The following CNTNAP5 variants were observed in gnomAD, a reference collection of about 807,000 sequenced individuals.
CNTNAP5 encodes the protein contactin-associated protein-like 5.
A neutral mutation model predicts 150.2 loss-of-function variants in CNTNAP5; 72 were observed. The observed-to-expected ratio is 0.48, with a 90% CI of 0.40 to 0.58. The LOEUF is 0.58. Ranked by LOEUF, CNTNAP5 falls within the 20% of genes least tolerant of loss-of-function variation. The probability of loss-of-function intolerance (pLI) is 0.00; values close to 1 mark genes in which losing one functional copy is unlikely to be tolerated. For missense variants in CNTNAP5, 1,636 were observed against 1,626.2 expected (o/e 1.01, Z -0.10); for synonymous variants, 672 against 619.8 (o/e 1.08, Z -1.25).
intron 21 of CNTNAP5, among the ~76,000 whole-genome samples, chr2:124,892,333 A>G (rs1197751585): frequency 2.6e-5 from 4 of 152,148 alleles, no homozygotes; most frequent in Non-Finnish European, 1.5e-5. Context: ...CCAAGAACTG[A>G]TGACTCTGTG....
chr2:124,419,140 CA>C (rs778863758), intron 4 of CNTNAP5, among the ~76,000 whole-genome samples: 11 of 28,914 alleles, frequency 3.8e-4, no homozygotes, highest in Admixed American at 5.8e-4. Flanking sequence ...GACTCCTTCT[CA>C]AAAAAAAAAA....
chr2:124,487,295 A>G (rs1475504182), intron 7 of CNTNAP5, among the ~76,000 whole-genome samples: 2 of 152,198 alleles, frequency 1.3e-5, no homozygotes, highest in Non-Finnish European at 2.9e-5. Context: ...TCATTTAAGT[A>G]TAAAAAATAA....
chr2:124,204,901 T>A (rs1685824842), intron 1 of CNTNAP5, among the ~76,000 whole-genome samples: 1 of 152,048 alleles, frequency 6.6e-6, no homozygotes, highest in South Asian at 2.1e-4. Flanking sequence ...AATCTGAAGG[T>A]CTATAGCCCC....
At chr2:124,043,978 T>A (rs573836070) in intron 1 of CNTNAP5, among the ~76,000 whole-genome samples, 1 of 152,338 alleles carries the variant, frequency 6.6e-6, no homozygotes, top group Non-Finnish European at 1.5e-5. Context: ...TCTTGTCCTC[T>A]CTTCTCTAGT....
chr2:124,377,956 A>C (rs1325358068), intron 3 of CNTNAP5, among the ~76,000 whole-genome samples: 2 of 152,060 alleles, frequency 1.3e-5, no homozygotes, highest in African/African-American at 2.4e-5. Flanking sequence ...CCTACCTTTG[A>C]ATTCAAGCTC....
intron 3 of CNTNAP5, among the ~76,000 whole-genome samples, chr2:124,363,978 C>G (rs1171937915): frequency 3.9e-5 from 6 of 152,264 alleles, no homozygotes; most frequent in East Asian, 1.9e-4. Flanking sequence ...CACGTATCTC[C>G]TTGGAGACTA....
At chr2:124,257,747 G>C (rs1042726960) in intron 3 of CNTNAP5, among the ~76,000 whole-genome samples, 2 of 150,022 alleles carry the variant, frequency 1.3e-5, no homozygotes, top group African/African-American at 4.9e-5. Context: ...CCAACATGTT[G>C]CTCCATGCGA....
At chr2:124,136,158 C>T (rs1165151082) in intron 1 of CNTNAP5, among the ~76,000 whole-genome samples, 2 of 152,172 alleles carry the variant, frequency 1.3e-5, no homozygotes, top group African/African-American at 4.8e-5. Flanking sequence ...AATCACCTGA[C>T]CCTCTCAAGG....
chr2:124,646,960 G>A (rs1449728207), intron 12 of CNTNAP5, among the ~76,000 whole-genome samples: 8 of 152,164 alleles, frequency 5.3e-5, no homozygotes, highest in Admixed American at 6.5e-5. Flanking sequence ...GCAACAGAGA[G>A]AGACCCTGTC....
intron 10 of CNTNAP5, among the ~76,000 whole-genome samples, chr2:124,540,372 C>A (rs1695349214): frequency 6.6e-6 from 1 of 152,152 alleles, no homozygotes; most frequent in Non-Finnish European, 1.5e-5. Context: ...TCAACATTAG[C>A]ATTTGTGTAT....
intron 13 of CNTNAP5, among the ~76,000 whole-genome samples, chr2:124,729,973 G>A (rs1422210354): frequency 2.0e-5 from 3 of 152,074 alleles, no homozygotes; most frequent in Non-Finnish European, 2.9e-5. Flanking sequence ...TGAGATCCTA[G>A]AAGGCAGCCT....
At chr2:124,813,014 C>T (rs989953270) in intron 19 of CNTNAP5, among the ~76,000 whole-genome samples, 2 of 152,150 alleles carry the variant, frequency 1.3e-5, no homozygotes, top group African/African-American at 2.4e-5. Flanking sequence ...ACACCTTGTC[C>T]TGAGCCTACC....
chr2:124,106,222 A>G (rs1364903368), intron 1 of CNTNAP5, among the ~76,000 whole-genome samples: 1 of 152,212 alleles, frequency 6.6e-6, no homozygotes, highest in African/African-American at 2.4e-5. Context: ...AATTAAATAA[A>G]TATGTGGGCT....
At chr2:124,409,882 A>T (rs138312699) in intron 3 of CNTNAP5, among the ~76,000 whole-genome samples, 51,776 of 150,996 alleles carry the variant, frequency 0.34, 10,202 homozygotes, top group Non-Finnish European at 0.47. Context: ...TAACAATATT[A>T]ACTTTAAATG....
intron 17 of CNTNAP5, among the ~76,000 whole-genome samples, chr2:124,787,179 C>T (rs1681617189): frequency 6.6e-6 from 1 of 152,152 alleles, no homozygotes; most frequent in African/African-American, 2.4e-5. Context: ...AGAAAAATGA[C>T]ACTAACAAGA....
intron 13 of CNTNAP5, among the ~76,000 whole-genome samples, chr2:124,662,367 T>G (rs904507225): frequency 6.6e-6 from 1 of 152,206 alleles, no homozygotes; most frequent in Non-Finnish European, 1.5e-5. Context: ...TTGGGTCAAA[T>G]GATATTTCTG....
At chr2:124,406,872 C>A (rs1048203408) in intron 3 of CNTNAP5, among the ~76,000 whole-genome samples, 4 of 152,112 alleles carry the variant, frequency 2.6e-5, no homozygotes, top group African/African-American at 7.2e-5. Context: ...CCTTTCCTGG[C>A]TTCTGGTAAC....
chr2:124,614,834 G>A (rs981123070), intron 12 of CNTNAP5, among the ~76,000 whole-genome samples: 6 of 152,212 alleles, frequency 3.9e-5, no homozygotes, highest in East Asian at 3.9e-4. Context: ...TTAACCTCCT[G>A]AGGATGCAGC....
intron 7 of CNTNAP5, among the ~76,000 whole-genome samples, chr2:124,490,385 G>A (rs545930673): frequency 1.4e-5 from 2 of 148,106 alleles, no homozygotes; most frequent in East Asian, 2.0e-4. Flanking sequence ...AAGAGAGGGA[G>A]GGAGGGAGGG....
Sources: allele counts gnomAD v4.1 joint callset (sites outside exome capture counted in the v4.1 genomes callset), GRCh38; gene constraint gnomAD v4.1.1; transcripts MANE v1.5; gene names NCBI Gene and HGNC (gene_info 2026-07-23, HGNC 2026-07-21).